The following GOLIM4 variants were observed in gnomAD, a reference collection of about 807,000 sequenced individuals.
The protein encoded by GOLIM4 is 130 kDa golgi-localized phosphoprotein.
Under a neutral mutation model 107.4 loss-of-function variants are expected in GOLIM4, and 71 were observed. That is an observed-to-expected ratio of 0.66 (90% CI 0.55 to 0.81). The LOEUF (loss-of-function observed/expected upper bound fraction) is 0.81. Ranked by LOEUF, GOLIM4 falls within the 30% of genes least tolerant of loss-of-function variation. The pLI is 0.00. For missense variants in GOLIM4, 830 were observed against 826.1 expected (o/e 1.00, Z -0.06); for synonymous variants, 327 against 294.8 (o/e 1.11, Z -1.12).
At chr3:168,032,963 T>A in intron 8 of GOLIM4, 111 bp from the exon 9 acceptor site, 1 of 768,216 alleles carries the variant, frequency 1.3e-6, no homozygotes, top group Non-Finnish European at 2.2e-6. Context: ...AGAAGGTGTC[T>A]AGAAATATAT....
chr3:168,065,435 A>T (rs1720499506), intron 1 of GOLIM4, among the ~76,000 whole-genome samples: 1 of 152,226 alleles, frequency 6.6e-6, no homozygotes, highest in Admixed American at 6.5e-5. Flanking sequence ...GAAAAATATT[A>T]TACATAAACT....
intron 1 of GOLIM4, among the ~76,000 whole-genome samples, chr3:168,092,607 C>G (rs1721969975): frequency 6.6e-6 from 1 of 152,122 alleles, no homozygotes; most frequent in Non-Finnish European, 1.5e-5. Context: ...GTCATTAATT[C>G]TGATCTTAAT....
At position 168,009,388 on chromosome 3, in the gene GOLIM4, G is replaced by C. The variant is rs1303102410; in HGVS notation, c.*881C>G. The C allele has an allele frequency of 1.1e-5, 1 of 88,960 alleles. No individual in the cohort carries two copies. The highest frequency in any genetic ancestry group is 2.3e-5 in the Non-Finnish European group (1 of 42,954). The allele number at this position is 88,960 out of a possible 1,614,324, so 5.5% of individuals were successfully genotyped here. A position where few individuals can be genotyped will look rare whatever the true frequency, so the allele number is the denominator to read the frequency against. ...AGAGGAAATATATATTACTTATAGGGAACCAGACACTGAAACAAGAATATC... is the reference window on the plus strand; with the variant it reads ...AGAGGAAATATATATTACTTATAGGCAACCAGACACTGAAACAAGAATATC... On this transcript the variant is annotated 3_prime_UTR_variant, in exon 16 of 16. Transcript: ENST00000470487.
intron 4 of GOLIM4, 45 bp downstream of exon 4, chr3:168,044,783 T>C: frequency 1.8e-6 from 2 of 1,091,018 alleles, no homozygotes; most frequent in Admixed American, 2.2e-5. Flanking sequence ...CAAGTATTAG[T>C]TAATCCTTTC....
At position 168,044,867 on chromosome 3, in the gene GOLIM4, G is replaced by T; in HGVS notation, c.327C>A (p.Ser109Arg). The T allele has an allele frequency of 1.3e-6, 2 of 1,554,394 alleles. No individual in the cohort carries two copies. Among genetic ancestry groups the T allele is most frequent in the Non-Finnish European group, 1.7e-6 (2 of 1,146,728 alleles). Residue 109 changes from serine (S) to arginine (R), a missense_variant, in exon 4 of 16, where the codon AGC becomes AGA. Coordinates refer to ENST00000470487, the MANE Select transcript of GOLIM4 (RefSeq NM_014498.5). Reference sequence around the variant, plus strand: ...GTTGGACATTCAGTGCACTGTATCTGCTATTGGAATCTTGCTGTAAATCAA... The same window carrying T: ...GTTGGACATTCAGTGCACTGTATCTTCTATTGGAATCTTGCTGTAAATCAA... ...TLNKGRQDSN[S>R]RYSALNVQHQ...
intron 7 of GOLIM4, among the ~76,000 whole-genome samples, chr3:168,037,876 G>T (rs1718751988): frequency 6.6e-6 from 1 of 152,230 alleles, no homozygotes; most frequent in Admixed American, 6.5e-5. Flanking sequence ...AAACAGAAAT[G>T]TTGTGTGTGT....
At chr3:168,088,720 G>A (rs973173836) in intron 1 of GOLIM4, among the ~76,000 whole-genome samples, 1 of 152,060 alleles carries the variant, frequency 6.6e-6, no homozygotes, top group African/African-American at 2.4e-5. Flanking sequence ...GCCCTCTTCT[G>A]GTTTCTCTCC....
chr3:168,043,766 G>C (rs1019984237), intron 4 of GOLIM4, among the ~76,000 whole-genome samples: 7 of 152,168 alleles, frequency 4.6e-5, no homozygotes, highest in African/African-American at 1.2e-4. Context: ...TTTTTAAGAA[G>C]TTAGCATGAG....
At chr3:168,051,966 C>T (rs1268752602) in intron 1 of GOLIM4, among the ~76,000 whole-genome samples, 2 of 152,032 alleles carry the variant, frequency 1.3e-5, no homozygotes, top group Admixed American at 6.6e-5. Context: ...ACTGGCCCTT[C>T]GAACTGAAAA....
At chr3:168,032,239 A>G (rs1330671872) in intron 9 of GOLIM4, among the ~76,000 whole-genome samples, 2 of 152,192 alleles carry the variant, frequency 1.3e-5, no homozygotes, top group African/African-American at 2.4e-5. Context: ...GTTCTACTCT[A>G]TTAAGGTGAT....
At chr3:168,045,648 G>T (rs1719256700) in intron 3 of GOLIM4, among the ~76,000 whole-genome samples, 2 of 152,038 alleles carry the variant, frequency 1.3e-5, no homozygotes, top group Non-Finnish European at 2.9e-5. Context: ...ATGCTATGTT[G>T]TTTATGTTTA....
In GOLIM4 at chr3:168,029,816, A is replaced by G; in HGVS notation, c.1397T>C (p.Leu466Pro). 1.2e-6 allele frequency: 2 copies of G among 1,614,014 alleles called. No individual in the cohort carries two copies. Among genetic ancestry groups the G allele is most frequent in the Non-Finnish European group, 1.7e-6 (2 of 1,180,020 alleles). ...CTGGTGCTGCGGCCGGCCCTCCTCA[A>G]GCTCAGCCTGCCTCTGCAGGGCCAT... Reference protein sequence around the residue: ...REMALQRQAELEEGRPQHQEQ... With the variant: ...REMALQRQAEPEEGRPQHQEQ... Residue 466 changes from leucine (L) to proline (P), a missense_variant, in exon 10 of 16, where the codon CTT becomes CCT. Coordinates refer to ENST00000470487, the MANE Select transcript of GOLIM4 (RefSeq NM_014498.5).
chr3:168,041,485 A>T lies in GOLIM4; in HGVS notation c.518-11T>A, dbSNP rs777690407. 6.0e-6 allele frequency: 8 copies of T among 1,332,204 alleles called. No individual in the cohort carries two copies. In the African/African-American group the frequency reaches 1.1e-4, roughly 19 times the overall value. 82.5% of individuals were successfully genotyped at this position (1,332,204 alleles called of 1,614,324 possible). ...AATTGTATACAGTCTCTATTTTAGA[A>T]AAAGAAGGATCACACATAAAGCCTT... On this transcript the variant is annotated splice_polypyrimidine_tract_variant and intron_variant, in intron 5 of 15. Transcript: ENST00000470487.
intron 7 of GOLIM4, among the ~76,000 whole-genome samples, chr3:168,038,190 C>G (rs943451074): frequency 6.6e-6 from 1 of 152,174 alleles, no homozygotes; most frequent in Non-Finnish European, 1.5e-5. Context: ...TGGCCTTTAT[C>G]TGAGAAATCT....
At chr3:168,024,811 A>C (rs2108221251) in intron 13 of GOLIM4, 117 bp downstream of exon 13, 2 of 1,101,306 alleles carry the variant, frequency 1.8e-6, no homozygotes, top group East Asian at 4.7e-5. Flanking sequence ...AGTGGCCTAA[A>C]AACCACCGAA....
rs747651075 is a variant in GOLIM4 at position 168,025,037 on chromosome 3, T to C, written c.1682A>G (p.Glu561Gly). ...TCTCACTTGCTCGGCTTCTTCAAATTCATCCTCACCTTGATTATTAGGGTC... is the reference window on the plus strand; with the variant it reads ...TCTCACTTGCTCGGCTTCTTCAAATCCATCCTCACCTTGATTATTAGGGTC... Reference protein sequence around the residue: ...ADDPNNQGEDEFEEAEQVREE... With the variant: ...ADDPNNQGEDGFEEAEQVREE... Residue 561 changes from glutamate (E) to glycine (G), a missense_variant, in exon 13 of 16, where the codon GAA (glutamate) becomes GGA (glycine). Coordinates refer to ENST00000470487, the MANE Select transcript of GOLIM4 (RefSeq NM_014498.5). The C allele has an allele frequency of 1.2e-6, 2 of 1,613,970 alleles. No individual in the cohort carries two copies. The highest frequency in any genetic ancestry group is 1.7e-6 in the Non-Finnish European group (2 of 1,179,860).
At chr3:168,014,592 A>G (rs1339571976) in intron 14 of GOLIM4, among the ~76,000 whole-genome samples, 4 of 131,858 alleles carry the variant, frequency 3.0e-5, no homozygotes, top group Non-Finnish European at 5.9e-5. Flanking sequence ...ACAAAAAAAA[A>G]GAATTTTAGA....
At chr3:168,086,072 AT>A (rs1048125795) in intron 1 of GOLIM4, among the ~76,000 whole-genome samples, 7 of 152,276 alleles carry the variant, frequency 4.6e-5, no homozygotes, top group African/African-American at 1.7e-4. Context: ...TATTTTTCAT[AT>A]TTTAATAAAA....
At chr3:168,057,143 A>C (rs1560094845) in intron 1 of GOLIM4, among the ~76,000 whole-genome samples, 1 of 152,136 alleles carries the variant, frequency 6.6e-6, no homozygotes, top group African/African-American at 2.4e-5. Context: ...GTTTTAAAAA[A>C]AGGAGTTTCC....
Sources: allele counts gnomAD v4.1 joint callset (sites outside exome capture counted in the v4.1 genomes callset), GRCh38; gene constraint gnomAD v4.1.1; transcripts MANE v1.5; gene names NCBI Gene and HGNC (gene_info 2026-07-23, HGNC 2026-07-21).